Variants in LYRM4 observed in about 807,000 individuals in gnomAD.
LYRM4 encodes LYR motif containing 4.
Under a neutral mutation model 11.7 loss-of-function variants are expected in LYRM4, and 9 were observed. The ratio of observed to expected loss-of-function variants is 0.77; its 90% CI spans 0.46 to 1.34. The LOEUF (loss-of-function observed/expected upper bound fraction) is 1.34. Ranked by LOEUF, LYRM4 falls within the 40% of genes most tolerant of loss-of-function variation. The pLI is 0.00. For missense variants in LYRM4, 133 were observed against 112.5 expected (o/e 1.18, Z -0.82); for synonymous variants, 42 against 40.4 (o/e 1.04, Z -0.15).
chr6:5,217,496 A>G (rs1237826144), intron 1 of LYRM4, among the ~76,000 whole-genome samples: 2 of 152,200 alleles, frequency 1.3e-5, no homozygotes, highest in Non-Finnish European at 2.9e-5. Flanking sequence ...GCTTCTTAAC[A>G]CAAGGCCGTG....
chr6:5,074,034 A>AG, the LYRM4 span, among the ~76,000 whole-genome samples: 4 of 152,166 alleles, frequency 2.6e-5, no homozygotes, highest in African/African-American at 9.7e-5. Flanking sequence ...ACGTGGCTGC[A>AG]GGTTACCTCT....
chr6:5,056,731 A>T, the LYRM4 span, among the ~76,000 whole-genome samples: 1 of 152,244 alleles, frequency 6.6e-6, no homozygotes, highest in African/African-American at 2.4e-5. Context: ...TTTTAACCTT[A>T]GCAATGCATT....
chr6:5,045,809 T>C, the LYRM4 span, among the ~76,000 whole-genome samples: 1 of 152,222 alleles, frequency 6.6e-6, no homozygotes, highest in Non-Finnish European at 1.5e-5. Context: ...AAAAACATAT[T>C]GTATTTAACA....
chr6:5,150,711 C>T (rs1239288658), intron 2 of LYRM4, among the ~76,000 whole-genome samples: 1 of 152,194 alleles, frequency 6.6e-6, no homozygotes, highest in East Asian at 1.9e-4. Context: ...CCAGCTCTCC[C>T]CTGCAAGCGT....
chr6:5,120,720 C>T (rs1265739999), intron 2 of LYRM4, among the ~76,000 whole-genome samples: 1 of 152,134 alleles, frequency 6.6e-6, no homozygotes, highest in Non-Finnish European at 1.5e-5. Flanking sequence ...ATTTTGCGAA[C>T]CTCTAGCTAG....
the LYRM4 span, among the ~76,000 whole-genome samples, chr6:5,039,189 G>A: frequency 1.3e-5 from 2 of 151,990 alleles, no homozygotes; most frequent in African/African-American, 4.8e-5. Context: ...AGAGAAACTG[G>A]TATGAAGCTT....
At chr6:5,130,383 C>T (rs767303387) in intron 2 of LYRM4, among the ~76,000 whole-genome samples, 55 of 152,218 alleles carry the variant, frequency 3.6e-4, no homozygotes, top group Non-Finnish European at 5.7e-4. Context: ...GCTCCCTGTT[C>T]GTCAGGCTGG....
chr6:5,064,620 T>G, the LYRM4 span, among the ~76,000 whole-genome samples: 160 of 152,324 alleles, frequency 1.1e-3, 3 homozygotes, highest in Middle Eastern at 3.4e-3. Flanking sequence ...GTCAGATTGG[T>G]CTTGAACTCT....
chr6:5,253,885 C>T (rs1040726039), intron 1 of LYRM4, among the ~76,000 whole-genome samples: 1 of 150,460 alleles, frequency 6.6e-6, no homozygotes, highest in African/African-American at 2.4e-5. Context: ...TTATTCCATG[C>T]AACAATGAAC....
chr6:5,161,000 A>T (rs1463474500), intron 2 of LYRM4, among the ~76,000 whole-genome samples: 1 of 152,198 alleles, frequency 6.6e-6, no homozygotes, highest in Admixed American at 6.5e-5. Context: ...TCCTTTTCCC[A>T]CTAGACAAAT....
chr6:5,095,596 T>C, the LYRM4 span, among the ~76,000 whole-genome samples: 1 of 152,200 alleles, frequency 6.6e-6, no homozygotes, highest in Non-Finnish European at 1.5e-5. Flanking sequence ...CAGTTCACTA[T>C]GTACAGAAAA....
At chr6:5,192,390 CG>C (rs895981186) in intron 2 of LYRM4, among the ~76,000 whole-genome samples, 1 of 152,174 alleles carries the variant, frequency 6.6e-6, no homozygotes, top group African/African-American at 2.4e-5. Flanking sequence ...TGTGTTAATA[CG>C]CTTCCTGAAT....
At chr6:5,047,911 A>C in the LYRM4 span, among the ~76,000 whole-genome samples, 1 of 152,308 alleles carries the variant, frequency 6.6e-6, no homozygotes, top group South Asian at 2.1e-4. Context: ...GGGGGTTATG[A>C]GGAAGGGTTC....
the LYRM4 span, chr6:5,065,868 T>G: frequency 3.7e-6 from 1 of 271,888 alleles, no homozygotes; most frequent in Non-Finnish European, 6.9e-6. Context: ...TTTCAAAAAG[T>G]TTTTTGAAGT....
chr6:5,209,938 G>A (rs1761908068), intron 2 of LYRM4, among the ~76,000 whole-genome samples: 1 of 152,054 alleles, frequency 6.6e-6, no homozygotes, highest in South Asian at 2.1e-4. Flanking sequence ...ATTTTCTTTG[G>A]AAGAAAACTG....
the LYRM4 span, among the ~76,000 whole-genome samples, chr6:5,039,912 C>A: frequency 2.6e-5 from 4 of 151,860 alleles, no homozygotes; most frequent in African/African-American, 9.7e-5. Context: ...GAAAATAGAC[C>A]AATAGAAAAG....
At chr6:5,227,636 A>G (rs540038340) in intron 1 of LYRM4, among the ~76,000 whole-genome samples, 1 of 152,342 alleles carries the variant, frequency 6.6e-6, no homozygotes, top group Admixed American at 6.5e-5. Context: ...ATTACTGGGT[A>G]TATACCCAAA....
At chr6:5,043,863 C>T in the LYRM4 span, among the ~76,000 whole-genome samples, 1 of 152,204 alleles carries the variant, frequency 6.6e-6, no homozygotes, top group Admixed American at 6.5e-5. Flanking sequence ...CCCTATACCC[C>T]AGAGCCTGCT....
At chr6:5,053,504 G>A in the LYRM4 span, among the ~76,000 whole-genome samples, 26 of 151,706 alleles carry the variant, frequency 1.7e-4, no homozygotes, top group African/African-American at 5.6e-4. Context: ...GCTTGCACTC[G>A]TAGTTCCAGC....
Sources: gnomAD v4.1 joint callset for allele counts (sites outside exome capture counted in the v4.1 genomes callset) on GRCh38, gnomAD v4.1.1 for gene constraint, MANE v1.5 for transcripts, NCBI Gene and HGNC (gene_info 2026-07-23, HGNC 2026-07-21) for gene names.